Variants in VMP1 observed in about 807,000 individuals in gnomAD.
The protein encoded by VMP1 is vacuole membrane protein 1.
A neutral mutation model predicts 56.0 loss-of-function variants in VMP1; 11 were observed. The observed-to-expected ratio is 0.20, with a 90% CI of 0.12 to 0.32. The LOEUF is 0.32. Among genes scored for constraint, VMP1 ranks in the 10% least tolerant of loss-of-function variants. The pLI, the probability that VMP1 is intolerant of heterozygous loss-of-function variation, is 1.00. For missense variants in VMP1, 296 were observed against 490.3 expected (o/e 0.60, Z 3.74); for synonymous variants, 149 against 165.0 (o/e 0.90, Z 0.74).
intron 2 of VMP1, among the ~76,000 whole-genome samples, chr17:59,733,468 T>G (rs1598307540): frequency 6.6e-6 from 1 of 151,070 alleles, no homozygotes; most frequent in Non-Finnish European, 1.5e-5. Flanking sequence ...GAGGCGGAGG[T>G]GCGTGGATCA....
chr17:59,737,912 G>A (rs2035077071), intron 4 of VMP1, among the ~76,000 whole-genome samples: 2 of 152,048 alleles, frequency 1.3e-5, no homozygotes, highest in Admixed American at 1.3e-4. Context: ...TGGGATTACA[G>A]GCACCTGCCA....
chr17:59,720,345 CCTT>C (rs1257572078), intron 1 of VMP1, among the ~76,000 whole-genome samples: 1 of 152,092 alleles, frequency 6.6e-6, no homozygotes, highest in Non-Finnish European at 1.5e-5. Flanking sequence ...GACGGATTGT[CCTT>C]GTCTTACATT....
chr17:59,743,956 T>C (rs989062840), intron 5 of VMP1, among the ~76,000 whole-genome samples: 2 of 152,126 alleles, frequency 1.3e-5, no homozygotes, highest in African/African-American at 4.8e-5. Flanking sequence ...GAAGGGGCCA[T>C]CCTGCCTTGT....
chr17:59,839,718 T>A (rs2039098655), intron 11 of VMP1, 50 bp from the exon 12 acceptor site: 1 of 1,564,432 alleles, frequency 6.4e-7, no homozygotes, highest in African/African-American at 1.4e-5. Context: ...TTTTTACTAC[T>A]GAACTAATGA....
chr17:59,841,805 C>T lies in VMP1; in HGVS notation c.*1894C>T, dbSNP rs2039165127. On this transcript the variant is annotated 3_prime_UTR_variant, in exon 12 of 12. Transcript: ENST00000262291. ...AAGAAAGGAAAGAGGAAAGCAAATACGAATTGTACTATTTGTACCAAATCT... is the reference window on the plus strand; with the variant it reads ...AAGAAAGGAAAGAGGAAAGCAAATATGAATTGTACTATTTGTACCAAATCT... 6.6e-6 allele frequency: 1 copy of T among 151,870 alleles called. No individual in the cohort carries two copies. Among genetic ancestry groups the T allele is most frequent in the Admixed American group, 6.6e-5 (1 of 15,238 alleles). The allele number at this position is 151,870 out of a possible 1,614,324, so 9.4% of individuals were successfully genotyped here. A position where few individuals can be genotyped will look rare whatever the true frequency, so the allele number is the denominator to read the frequency against.
At chr17:59,765,338 T>A (rs1342832794) in intron 6 of VMP1, among the ~76,000 whole-genome samples, 200 bp downstream of exon 6, 1 of 152,158 alleles carries the variant, frequency 6.6e-6, no homozygotes, top group Non-Finnish European at 1.5e-5. Flanking sequence ...GCATGAACCA[T>A]ATGTATCACA....
chr17:59,782,129 G>A (rs1181170555), intron 7 of VMP1, among the ~76,000 whole-genome samples: 2 of 152,026 alleles, frequency 1.3e-5, no homozygotes, highest in African/African-American at 2.4e-5. Flanking sequence ...GGCTAGTCTC[G>A]AGCTCCCGAC....
chr17:59,778,097 T>TA (rs1226669181), intron 7 of VMP1, among the ~76,000 whole-genome samples: 1 of 152,230 alleles, frequency 6.6e-6, no homozygotes, highest in Admixed American at 6.5e-5. Flanking sequence ...TTCTAAGTCT[T>TA]ATATCGAAAT....
At chr17:59,750,476 A>G (rs536960756) in intron 5 of VMP1, among the ~76,000 whole-genome samples, 2 of 151,946 alleles carry the variant, frequency 1.3e-5, no homozygotes, top group Non-Finnish European at 2.9e-5. Flanking sequence ...TAATTTTTGT[A>G]TTTTTAGTAG....
At chr17:59,782,554 A>G (rs2036860783) in intron 7 of VMP1, among the ~76,000 whole-genome samples, 1 of 152,214 alleles carries the variant, frequency 6.6e-6, no homozygotes, top group Non-Finnish European at 1.5e-5. Flanking sequence ...TAATCAGTTT[A>G]GCAAAGATTC....
intron 5 of VMP1, among the ~76,000 whole-genome samples, chr17:59,760,387 C>T (rs960468977): frequency 3.3e-5 from 5 of 151,740 alleles, no homozygotes; most frequent in African/African-American, 1.2e-4. Context: ...ATATATTTTC[C>T]CTAGCTCCCA....
intron 5 of VMP1, among the ~76,000 whole-genome samples, chr17:59,742,646 A>T (rs1598323271): frequency 6.6e-6 from 1 of 152,124 alleles, no homozygotes; most frequent in South Asian, 2.1e-4. Flanking sequence ...CCTAATCCCC[A>T]GGCCACAGAC....
At chr17:59,746,054 T>C (rs1245714099) in intron 5 of VMP1, among the ~76,000 whole-genome samples, 1 of 152,234 alleles carries the variant, frequency 6.6e-6, no homozygotes, top group Non-Finnish European at 1.5e-5. Flanking sequence ...TATAATTGGT[T>C]GTATACTAGT....
intron 9 of VMP1, among the ~76,000 whole-genome samples, chr17:59,817,177 G>A (rs1296576427): frequency 6.7e-6 from 1 of 148,634 alleles, no homozygotes; most frequent in East Asian, 2.0e-4. Context: ...GGGAGGCTGA[G>A]GCAGGAGAAT....
At chr17:59,724,154 G>C (rs116155708) in intron 1 of VMP1, among the ~76,000 whole-genome samples, 64 of 150,258 alleles carry the variant, frequency 4.3e-4, no homozygotes, top group African/African-American at 1.5e-3. Context: ...CGAGGGTGCA[G>C]TAAGCCATGA....
chr17:59,780,411 T>C (rs1182130709), intron 7 of VMP1, among the ~76,000 whole-genome samples: 1 of 152,114 alleles, frequency 6.6e-6, no homozygotes, highest in African/African-American at 2.4e-5. Flanking sequence ...GCCAATGTGG[T>C]GAAACCGCAT....
chr17:59,794,219 C>CTTTT (rs574035691), intron 7 of VMP1, among the ~76,000 whole-genome samples: 23 of 64,632 alleles, frequency 3.6e-4, no homozygotes, highest in African/African-American at 1.3e-3. Flanking sequence ...CGCACCCGGC[C>CTTTT]TTTTTTTTTT....
chr17:59,745,229 T>C (rs1380590806), intron 5 of VMP1, among the ~76,000 whole-genome samples: 1 of 152,222 alleles, frequency 6.6e-6, no homozygotes, highest in Non-Finnish European at 1.5e-5. Flanking sequence ...TAATCTAACC[T>C]ATCCTGACTG....
chr17:59,758,915 A>C (rs986112649), intron 5 of VMP1, among the ~76,000 whole-genome samples: 6 of 151,278 alleles, frequency 4.0e-5, no homozygotes, highest in African/African-American at 1.2e-4. Flanking sequence ...GGCAACAGGC[A>C]AAACCCCACC....
Sources: gnomAD v4.1 joint callset for allele counts (sites outside exome capture counted in the v4.1 genomes callset) on GRCh38, gnomAD v4.1.1 for gene constraint, MANE v1.5 for transcripts, NCBI Gene and HGNC (gene_info 2026-07-23, HGNC 2026-07-21) for gene names.